Variants in CELF2 observed in about 807,000 individuals in gnomAD.
CELF2 encodes CUG triplet repeat RNA-binding protein 2.
CELF2 carries 8 observed loss-of-function variants against 62.6 expected under a neutral mutation model. The observed-to-expected ratio is 0.13, with a 90% CI of 0.07 to 0.23. The LOEUF (loss-of-function observed/expected upper bound fraction) is 0.23. CELF2 is among the 10% of genes least tolerant of loss of function. The pLI is 1.00. For missense variants in CELF2, 333 were observed against 671.0 expected, an observed-to-expected ratio of 0.50 and a Z score of 5.56; for synonymous variants, 258 against 250.0, an observed-to-expected ratio of 1.03 and a Z score of -0.30.
At chr10:10,915,901 T>A (rs6602464) in intron 1 of CELF2, among the ~76,000 whole-genome samples, 2 of 152,208 alleles carry the variant, frequency 1.3e-5, no homozygotes, top group African/African-American at 4.8e-5. Context: ...GTAGATTAAG[T>A]GCTAATGAAT....
At chr10:10,551,505 C>T in the CELF2 span, among the ~76,000 whole-genome samples, 3 of 152,098 alleles carry the variant, frequency 2.0e-5, no homozygotes, top group East Asian at 1.9e-4. Flanking sequence ...CCCTCCCCCC[C>T]AGTCTCCACT....
At chr10:11,005,267 A>AGG, upstream of CELF2, 1 of 1,534,992 alleles carries the variant, frequency 6.5e-7, no homozygotes, top group Non-Finnish European at 8.8e-7. The surrounding 1 kb of genome is among the most constrained non-coding windows in gnomAD (Gnocchi z 4.3). Flanking sequence ...AGAGAGAGAG[A>AGG]GAGAGAGAGA....
At chr10:11,322,512 G>C (rs2095495122) in intron 11 of CELF2, among the ~76,000 whole-genome samples, 3 of 152,098 alleles carry the variant, frequency 2.0e-5, no homozygotes. Context: ...TAAAAAGCTA[G>C]AATAGAGAAG....
the CELF2 span, among the ~76,000 whole-genome samples, chr10:10,650,386 T>A: frequency 6.6e-6 from 1 of 152,180 alleles, no homozygotes; most frequent in African/African-American, 2.4e-5. Context: ...CCATTTGACT[T>A]AAAATGTTAA....
At chr10:10,619,275 C>T in the CELF2 span, among the ~76,000 whole-genome samples, 5 of 152,228 alleles carry the variant, frequency 3.3e-5, no homozygotes, top group African/African-American at 1.2e-4. Flanking sequence ...CTCTTACCCT[C>T]ACTAACTGCC....
intron 2 of CELF2, among the ~76,000 whole-genome samples, chr10:10,963,116 C>T (rs1185488650): frequency 1.3e-5 from 2 of 152,124 alleles, no homozygotes; most frequent in African/African-American, 4.8e-5. Context: ...TCTCGGCTCA[C>T]TGCAGCCTTC....
At chr10:11,277,580 T>C (rs1184090834) in intron 8 of CELF2, among the ~76,000 whole-genome samples, 1 of 152,212 alleles carries the variant, frequency 6.6e-6, no homozygotes, top group Non-Finnish European at 1.5e-5. Context: ...TCAACAGACA[T>C]AAATCCCCAG....
At chr10:10,544,838 C>A in the CELF2 span, among the ~76,000 whole-genome samples, 1 of 152,202 alleles carries the variant, frequency 6.6e-6, no homozygotes, top group African/African-American at 2.4e-5. Flanking sequence ...AGCCATCGAA[C>A]AACCCTTCCA....
chr10:10,992,245 CTG>C (rs2086481738), intron 2 of CELF2, among the ~76,000 whole-genome samples: 1 of 152,204 alleles, frequency 6.6e-6, no homozygotes, highest in African/African-American at 2.4e-5. Flanking sequence ...CTCTTTCAAA[CTG>C]TGAGTCAGCT....
the CELF2 span, among the ~76,000 whole-genome samples, chr10:10,740,626 C>T: frequency 2.8e-4 from 43 of 152,300 alleles, no homozygotes; most frequent in African/African-American, 9.6e-4. Context: ...GATATATGTA[C>T]TCCTGTGTTA....
rs542808847 is a variant in CELF2 at position 11,110,181 on chromosome 10, G to A, written c.75-55305G>A. Among the ~76,000 whole-genome samples the A allele has an allele frequency of 3.3e-5, 5 of 152,274 alleles. No individual in the cohort carries two copies. Among genetic ancestry groups the A allele is most frequent in the Non-Finnish European group, 5.9e-5 (4 of 68,018 alleles). ...GGAGGGGAGAGCAGCTGCTGAGGCA[G>A]GAGGATCACTTGAGCCTGAGAGGTC... On this transcript the variant is annotated intron_variant, in intron 1 of 12. Transcript: ENST00000633077. This position sits in a 1 kb window ranked among gnomAD's most constrained non-coding sequence, Gnocchi z 4.0.
chr10:11,079,628 G>A (rs925047128), intron 1 of CELF2, among the ~76,000 whole-genome samples: 6 of 152,086 alleles, frequency 3.9e-5, no homozygotes, highest in Admixed American at 3.9e-4. Flanking sequence ...CGCCATGATT[G>A]TAAGTTTCCT....
rs549494139 is a variant in CELF2 at position 11,011,777 on chromosome 10, G to A, written c.53+6337G>A. The stretch of plus-strand genomic sequence containing the variant: ...AGAAAGAAAAAAAATTTCCCCTAAT[G>A]GACTTCATGGGAATTAGCATCAAAA... On this transcript the variant is annotated intron_variant, in intron 1 of 12. Transcript: ENST00000416382. This position sits in a 1 kb window ranked among gnomAD's most constrained non-coding sequence, Gnocchi z 4.6. 6.6e-6 allele frequency among the ~76,000 whole-genome samples: 1 copy of A among 151,856 alleles called. No homozygotes were observed. The highest frequency in any genetic ancestry group is 1.5e-5 in the Non-Finnish European group (1 of 67,998).
intron 1 of CELF2, among the ~76,000 whole-genome samples, chr10:10,906,440 T>A (rs1564799533): frequency 6.6e-6 from 1 of 152,164 alleles, no homozygotes. Flanking sequence ...GCTGCCCTCA[T>A]GGAATCTACA....
At chr10:11,222,120 G>A (rs2065049823) in intron 3 of CELF2, among the ~76,000 whole-genome samples, 1 of 150,684 alleles carries the variant, frequency 6.6e-6, no homozygotes, top group Non-Finnish European at 1.5e-5. Flanking sequence ...CATGGAGTTG[G>A]CCTCTGTGTT....
At chr10:10,927,456 C>G (rs1263023770) in intron 2 of CELF2, among the ~76,000 whole-genome samples, 1 of 150,362 alleles carries the variant, frequency 6.7e-6, no homozygotes, top group Non-Finnish European at 1.5e-5. Flanking sequence ...TGAAATGGGT[C>G]TCACTCTGTT....
the CELF2 span, among the ~76,000 whole-genome samples, chr10:10,765,031 A>C: frequency 6.6e-6 from 1 of 152,204 alleles, no homozygotes; most frequent in African/African-American, 2.4e-5. Context: ...GCTAGAGCCA[A>C]CACAAGGGCA....
chr10:11,069,608 A>C (rs1328761679), intron 1 of CELF2, among the ~76,000 whole-genome samples: 1 of 152,222 alleles, frequency 6.6e-6, no homozygotes, highest in Non-Finnish European at 1.5e-5. Flanking sequence ...TTGTTTATGG[A>C]AAATGTACTT....
At chr10:10,723,916 T>TA in the CELF2 span, among the ~76,000 whole-genome samples, 4 of 152,146 alleles carry the variant, frequency 2.6e-5, no homozygotes, top group African/African-American at 7.2e-5. Context: ...AGGTTTTTTT[T>TA]AAAAAAATGC....
Sources: gnomAD v4.1 joint callset for allele counts (sites outside exome capture counted in the v4.1 genomes callset) on GRCh38, gnomAD v4.1.1 for gene constraint, Gnocchi (gnomAD v3.1) non-coding constraint, MANE v1.5 for transcripts, NCBI Gene and HGNC (gene_info 2026-07-23, HGNC 2026-07-21) for gene names.